The following SLC24A4 variants were observed in gnomAD, a reference collection of about 807,000 sequenced individuals.
SLC24A4 encodes the protein solute carrier family 24 member 4.
SLC24A4 carries 53 observed loss-of-function variants against 79.0 expected under a neutral mutation model. That is an observed-to-expected ratio of 0.67 (90% CI 0.54 to 0.84). SLC24A4 has a LOEUF of 0.84. Ranked by LOEUF, SLC24A4 falls within the 40% of genes least tolerant of loss-of-function variation. SLC24A4 has a pLI of 0.00. For synonymous variants in SLC24A4, 323 were observed against 323.8 expected, an observed-to-expected ratio of 1.00 and a Z score of 0.03; for missense variants, 731 against 822.0, an observed-to-expected ratio of 0.89 and a Z score of 1.35.
intron 12 of SLC24A4, among the ~76,000 whole-genome samples, chr14:92,482,416 C>T (rs1317998442): frequency 2.6e-5 from 4 of 152,180 alleles, no homozygotes. Flanking sequence ...GTCTGTTCCC[C>T]CTCAGCCTCA....
At chr14:92,461,995 C>T (rs1460647776) in intron 12 of SLC24A4, 1 of 152,262 alleles carries the variant, frequency 6.6e-6, no homozygotes, top group East Asian at 1.9e-4. Context: ...CAGGCACTTT[C>T]ATTTAATCTT....
intron 2 of SLC24A4, among the ~76,000 whole-genome samples, chr14:92,431,593 G>A (rs957577535): frequency 1.2e-4 from 18 of 152,318 alleles, no homozygotes; most frequent in South Asian, 4.2e-4. Context: ...GGGAAGGGTG[G>A]GGTGGATATC....
chr14:92,355,550 C>A (rs373536043), intron 2 of SLC24A4, among the ~76,000 whole-genome samples: 2 of 152,214 alleles, frequency 1.3e-5, no homozygotes, highest in African/African-American at 2.4e-5. Flanking sequence ...TTTTTCAGTT[C>A]GTGCAGACAT....
At chr14:92,397,264 A>G (rs562021953) in intron 2 of SLC24A4, among the ~76,000 whole-genome samples, 4 of 152,164 alleles carry the variant, frequency 2.6e-5, no homozygotes, top group Non-Finnish European at 5.9e-5. Context: ...ACGGAAAATT[A>G]GCCTCCTTCT....
intron 12 of SLC24A4, among the ~76,000 whole-genome samples, chr14:92,473,288 G>GC (rs1003145189): frequency 6.6e-6 from 1 of 152,276 alleles, no homozygotes; most frequent in Non-Finnish European, 1.5e-5. Context: ...GTGTGAACAA[G>GC]CCCCCCAGGT....
chr14:92,373,203 C>A (rs1028980460), intron 2 of SLC24A4, among the ~76,000 whole-genome samples: 1 of 68,216 alleles, frequency 1.5e-5, no homozygotes, highest in Non-Finnish European at 3.9e-5. Flanking sequence ...CGCACACACA[C>A]ACACACACAT....
chr14:92,398,444 G>A lies in SLC24A4; in HGVS notation c.242-35468G>A, dbSNP rs1225027801. On this transcript the variant is annotated intron_variant, in intron 2 of 16. Transcript: ENST00000532405. The surrounding 1 kb of genome is among the most constrained non-coding windows in gnomAD (Gnocchi z 4.1). ...ACCGTTTGAGAGGAAGAATGGGTAAGACTATTGGAGGTGGGAAAGAGAGAA... is the reference window on the plus strand; with the variant it reads ...ACCGTTTGAGAGGAAGAATGGGTAAAACTATTGGAGGTGGGAAAGAGAGAA... 1.3e-5 allele frequency among the ~76,000 whole-genome samples: 2 copies of A among 152,202 alleles called. No individual in the cohort carries two copies.
intron 13 of SLC24A4, chr14:92,483,717 C>T (rs75541565): frequency 7.8e-7 from 1 of 1,289,110 alleles, no homozygotes; most frequent in African/African-American, 1.5e-5. Flanking sequence ...TCTTCTCCTC[C>T]TCATTCCCAG....
chr14:92,440,971 A>G (rs2139808676), intron 4 of SLC24A4, among the ~76,000 whole-genome samples: 1 of 152,050 alleles, frequency 6.6e-6, no homozygotes, highest in East Asian at 1.9e-4. Context: ...AGAGTTTTGG[A>G]GATCCTTTGG....
chr14:92,362,817 T>C (rs927923284), intron 2 of SLC24A4, among the ~76,000 whole-genome samples: 2 of 152,190 alleles, frequency 1.3e-5, no homozygotes, highest in Non-Finnish European at 2.9e-5. Flanking sequence ...CTCAAAAAGT[T>C]TTGCAGAATG....
chr14:92,456,506 G>A lies in SLC24A4; in HGVS notation c.1153G>A (p.Glu385Lys), dbSNP rs141269080. The A allele has an allele frequency of 2.4e-5, 38 of 1,614,044 alleles. No homozygotes were observed. In the East Asian group the frequency reaches 2.5e-4, roughly 10 times the overall value. Reference protein sequence around the residue: ...ENGNVPVENPEDPQQNQEQQP... With the variant: ...ENGNVPVENPKDPQQNQEQQP... Reference sequence around the variant, plus strand: ...CGGGAATGTTCCTGTGGAAAACCCCGAAGACCCTCAGCAGAATCAGGAGCA... The same window carrying A: ...CGGGAATGTTCCTGTGGAAAACCCCAAAGACCCTCAGCAGAATCAGGAGCA... Residue 385 changes from glutamate to lysine, a missense_variant, in exon 12 of 17, where the codon GAA becomes AAA. By Grantham distance (56) the Glu-to-Lys change is moderately conservative. Coordinates refer to ENST00000532405, the MANE Select transcript of SLC24A4 (RefSeq NM_153646.4).
chr14:92,389,671 A>C (rs1249037582), intron 2 of SLC24A4, among the ~76,000 whole-genome samples: 1 of 152,252 alleles, frequency 6.6e-6, no homozygotes, highest in East Asian at 1.9e-4. Flanking sequence ...TACTTGGCCC[A>C]AGTCACCTGG....
intron 14 of SLC24A4, among the ~76,000 whole-genome samples, chr14:92,491,224 A>G (rs1454759499): frequency 2.0e-5 from 3 of 152,178 alleles, no homozygotes; most frequent in Admixed American, 2.0e-4. Context: ...TGCACTGTGA[A>G]TGCTCTGTGA....
At chr14:92,437,404 TC>T (rs1247583576) in intron 3 of SLC24A4, among the ~76,000 whole-genome samples, 9 of 152,218 alleles carry the variant, frequency 5.9e-5, no homozygotes, top group Admixed American at 4.6e-4. Context: ...CCTCGGTAGT[TC>T]CTGGCACACA....
At chr14:92,359,084 TC>T (rs1887349472) in intron 2 of SLC24A4, among the ~76,000 whole-genome samples, 1 of 152,130 alleles carries the variant, frequency 6.6e-6, no homozygotes, top group Admixed American at 6.5e-5. Flanking sequence ...GTGGCTAAAA[TC>T]TAGTCTAGGA....
intron 2 of SLC24A4, among the ~76,000 whole-genome samples, chr14:92,361,217 CT>C (rs924203061): frequency 1.1e-3 from 163 of 144,828 alleles, no homozygotes; most frequent in African/African-American, 1.0e-3. Context: ...TGTAACAGAA[CT>C]TTTTTTTTTT....
chr14:92,488,012 T>C (rs7493208), intron 14 of SLC24A4, among the ~76,000 whole-genome samples: 65,628 of 147,274 alleles, frequency 0.45, 14,588 homozygotes, highest in Non-Finnish European at 0.48. Flanking sequence ...TCCTCCTCCT[T>C]TTCCTCCTCC....
chr14:92,328,491 C>T (rs1434838639), intron 2 of SLC24A4, among the ~76,000 whole-genome samples: 1 of 152,208 alleles, frequency 6.6e-6, no homozygotes, highest in Non-Finnish European at 1.5e-5. Context: ...CTAGATGAGG[C>T]AGGGCCATTT....
chr14:92,375,476 C>G (rs1888447254), intron 2 of SLC24A4, among the ~76,000 whole-genome samples: 1 of 152,196 alleles, frequency 6.6e-6, no homozygotes, highest in South Asian at 2.1e-4. Flanking sequence ...GAATTGAAAA[C>G]AGGTGCTTAA....
Sources: allele counts gnomAD v4.1 joint callset (sites outside exome capture counted in the v4.1 genomes callset), GRCh38; gene constraint gnomAD v4.1.1; non-coding constraint Gnocchi (gnomAD v3.1); transcripts MANE v1.5; gene names NCBI Gene and HGNC (gene_info 2026-07-23, HGNC 2026-07-21).